GRID1: variants seen among roughly 807,000 people sequenced by gnomAD.
GRID1 encodes glutamate receptor ionotropic, delta-1.
A neutral mutation model predicts 98.0 loss-of-function variants in GRID1; 28 were observed. The ratio of observed to expected loss-of-function variants is 0.29; its 90% CI spans 0.21 to 0.39. GRID1 has a LOEUF of 0.39. Ranked by LOEUF, GRID1 falls within the 10% of genes least tolerant of loss-of-function variation. GRID1 has a pLI of 1.00. For missense variants in GRID1, 1,111 were observed against 1,340.5 expected (o/e 0.83, Z 2.67); for synonymous variants, 553 against 538.5 (o/e 1.03, Z -0.37).
chr10:85,896,451 T>C (rs964702217), intron 5 of GRID1, among the ~76,000 whole-genome samples: 2 of 152,200 alleles, frequency 1.3e-5, no homozygotes, highest in African/African-American at 2.4e-5. Context: ...CTTTATATTG[T>C]TGTGATACCT....
intron 4 of GRID1, among the ~76,000 whole-genome samples, chr10:86,060,853 A>G (rs1427697968): frequency 6.6e-6 from 1 of 152,142 alleles, no homozygotes; most frequent in Non-Finnish European, 1.5e-5. Flanking sequence ...TCCCCTGTCC[A>G]CAGGCAGCTC....
chr10:86,138,205 A>G (rs555019756), intron 4 of GRID1, among the ~76,000 whole-genome samples: 1 of 152,298 alleles, frequency 6.6e-6, no homozygotes, highest in Admixed American at 6.5e-5. Flanking sequence ...TTTCTTCTCA[A>G]ATTAATGGAT....
intron 4 of GRID1, among the ~76,000 whole-genome samples, chr10:86,124,390 C>A (rs1206983166): frequency 6.6e-5 from 10 of 152,204 alleles, no homozygotes; most frequent in African/African-American, 2.2e-4. Context: ...ATGTGCTGAG[C>A]TCATTCCAGC....
At chr10:85,689,559 A>C (rs1841309876) in intron 12 of GRID1, among the ~76,000 whole-genome samples, 1 of 152,174 alleles carries the variant, frequency 6.6e-6, no homozygotes, top group African/African-American at 2.4e-5. Context: ...TATAGTAAAT[A>C]TTATTAAACA....
intron 5 of GRID1, among the ~76,000 whole-genome samples, chr10:85,894,380 C>T (rs1011364097): frequency 6.6e-6 from 1 of 151,766 alleles, no homozygotes; most frequent in South Asian, 2.1e-4. Context: ...AAATAAGCTC[C>T]ACAAAAAAAG....
At chr10:86,140,953 G>A (rs577157789) in intron 3 of GRID1, among the ~76,000 whole-genome samples, 1 of 152,222 alleles carries the variant, frequency 6.6e-6, no homozygotes, top group Admixed American at 6.5e-5. Flanking sequence ...TCTAGAGATG[G>A]CAAATGCATG....
chr10:86,024,342 C>A (rs1341250252), intron 4 of GRID1, among the ~76,000 whole-genome samples: 4 of 152,236 alleles, frequency 2.6e-5, no homozygotes, highest in African/African-American at 7.2e-5. Flanking sequence ...TAGCCAGCCC[C>A]CAGTTCCCCA....
At chr10:86,285,176 C>A (rs1847413270) in intron 2 of GRID1, among the ~76,000 whole-genome samples, 1 of 151,656 alleles carries the variant, frequency 6.6e-6, no homozygotes, top group African/African-American at 2.4e-5. Flanking sequence ...CACACCAGCA[C>A]CAGTAGTGTC....
chr10:85,749,930 A>G (rs1263166059), intron 8 of GRID1, among the ~76,000 whole-genome samples: 1 of 152,210 alleles, frequency 6.6e-6, no homozygotes, highest in African/African-American at 2.4e-5. Context: ...TCATAACTAT[A>G]TAAAATGATC....
chr10:86,063,206 A>G (rs1393896362), intron 4 of GRID1, among the ~76,000 whole-genome samples: 4 of 152,258 alleles, frequency 2.6e-5, no homozygotes, highest in Non-Finnish European at 5.9e-5. Flanking sequence ...GAGAAAATAA[A>G]GCCTGAAGTC....
At chr10:85,908,356 T>C (rs573769193) in intron 5 of GRID1, among the ~76,000 whole-genome samples, 1 of 152,282 alleles carries the variant, frequency 6.6e-6, no homozygotes, top group Non-Finnish European at 1.5e-5. Context: ...GGATACAAGA[T>C]CAATATGCAA....
intron 4 of GRID1, among the ~76,000 whole-genome samples, chr10:85,963,056 C>T (rs1183754029): frequency 6.6e-6 from 1 of 152,160 alleles, no homozygotes; most frequent in African/African-American, 2.4e-5. Flanking sequence ...GGAAGAATGA[C>T]ATGTGTTGCT....
chr10:86,027,395 A>G (rs1358201379), intron 4 of GRID1, among the ~76,000 whole-genome samples: 2 of 152,184 alleles, frequency 1.3e-5, no homozygotes, highest in Non-Finnish European at 2.9e-5. Context: ...AATGTGTTCA[A>G]GTTTTATCCA....
At chr10:86,222,163 G>A (rs921144436) in intron 2 of GRID1, among the ~76,000 whole-genome samples, 1 of 152,190 alleles carries the variant, frequency 6.6e-6, no homozygotes, top group Non-Finnish European at 1.5e-5. Flanking sequence ...CTAGAGGGGG[G>A]GCCACCCATT....
chr10:85,673,153 T>G (rs1305754417), intron 12 of GRID1, among the ~76,000 whole-genome samples: 3 of 152,126 alleles, frequency 2.0e-5, no homozygotes, highest in South Asian at 2.1e-4. Context: ...GAACTAGAAT[T>G]AGAAAGGGAG....
intron 8 of GRID1, among the ~76,000 whole-genome samples, chr10:85,739,005 T>A (rs544587433): frequency 2.0e-5 from 3 of 152,224 alleles, no homozygotes; most frequent in Non-Finnish European, 4.4e-5. Flanking sequence ...ACATACTAAA[T>A]AAACCATATG....
At chr10:85,675,140 C>G (rs1261574504) in intron 12 of GRID1, among the ~76,000 whole-genome samples, 1 of 152,122 alleles carries the variant, frequency 6.6e-6, no homozygotes, top group African/African-American at 2.4e-5. Flanking sequence ...AACCTATTCC[C>G]AGGGAAAGTT....
chr10:86,197,066 A>G (rs115329989), intron 3 of GRID1, among the ~76,000 whole-genome samples: 2,255 of 152,194 alleles, frequency 0.015, 64 homozygotes, highest in African/African-American at 0.052. Context: ...GCCTGTCTGC[A>G]TGGAACTAGT....
chr10:86,038,657 T>A (rs753755010), intron 4 of GRID1, among the ~76,000 whole-genome samples: 2 of 152,222 alleles, frequency 1.3e-5, no homozygotes, highest in Admixed American at 6.5e-5. Flanking sequence ...ATGGCCAACA[T>A]TGGCCTCTGA....
Sources: gnomAD v4.1 joint callset for allele counts (sites outside exome capture counted in the v4.1 genomes callset) on GRCh38, gnomAD v4.1.1 for gene constraint, MANE v1.5 for transcripts, NCBI Gene and HGNC (gene_info 2026-07-23, HGNC 2026-07-21) for gene names.